The following ADCYAP1R1 variants were observed in gnomAD, a reference collection of about 807,000 sequenced individuals.
ADCYAP1R1 encodes the protein ADCYAP receptor type I.
ADCYAP1R1 carries 44 observed loss-of-function variants against 67.6 expected under a neutral mutation model. The ratio of observed to expected loss-of-function variants is 0.65; its 90% CI spans 0.51 to 0.84. The LOEUF (loss-of-function observed/expected upper bound fraction) is 0.84, where lower values mean the gene tolerates loss of function less well. Ranked by LOEUF, ADCYAP1R1 falls within the 40% of genes least tolerant of loss-of-function variation. ADCYAP1R1 has a pLI of 0.00. For synonymous variants in ADCYAP1R1, 222 were observed against 219.6 expected (o/e 1.01, Z -0.10); for missense variants, 477 against 587.9 (o/e 0.81, Z 1.95).
intron 6 of ADCYAP1R1, among the ~76,000 whole-genome samples, chr7:31,083,368 T>G (rs1437119957): frequency 2.6e-5 from 4 of 152,204 alleles, no homozygotes; most frequent in Non-Finnish European, 5.9e-5. Flanking sequence ...TGGACTTCAC[T>G]GTGCAGCCAG....
At position 31,087,017 on chromosome 7, in the gene ADCYAP1R1, C is replaced by T. The variant is rs368710072; in HGVS notation, c.884+14C>T. 118 of 1,614,036 alleles carry T rather than the reference C, an allele frequency of 7.3e-5. No individual in the cohort carries two copies. The highest frequency in any genetic ancestry group is 1.5e-4 in the African/African-American group (11 of 75,022). On this transcript the variant is annotated intron_variant, in intron 11 of 15. Transcript: ENST00000304166. Reference sequence around the variant, plus strand: ...TGATGACACAGGGTTAGTACATGCGCGAGAGTCAGGGCCACAGCACAGAGT... The same window carrying T: ...TGATGACACAGGGTTAGTACATGCGTGAGAGTCAGGGCCACAGCACAGAGT...
At chr7:31,087,104 C>A (rs1161378991) in intron 11 of ADCYAP1R1, 101 bp downstream of exon 11, 2 of 1,316,384 alleles carry the variant, frequency 1.5e-6, no homozygotes, top group Non-Finnish European at 1.1e-6. Flanking sequence ...CCGCAACAAA[C>A]CATTCAATGC....
intron 1 of ADCYAP1R1, among the ~76,000 whole-genome samples, chr7:31,056,212 A>AAAGGGCGG (rs1794234028): frequency 1.3e-5 from 2 of 152,122 alleles, no homozygotes; most frequent in African/African-American, 4.8e-5. Flanking sequence ...GCAAGGTCAT[A>AAAGGGCGG]AAGGGCGGGT....
In ADCYAP1R1 at chr7:31,109,192, T is replaced by C. The variant is rs1796761451; in HGVS notation, c.*2508T>C. 1 of 152,242 alleles carries C rather than the reference T, an allele frequency of 6.6e-6. No homozygotes were observed. Among genetic ancestry groups the C allele is most frequent in the Non-Finnish European group, 1.5e-5 (1 of 68,096 alleles). 9.4% of individuals were successfully genotyped at this position (152,242 alleles called of 1,614,324 possible). On this transcript the variant is annotated 3_prime_UTR_variant, in exon 16 of 16. Transcript: ENST00000304166. ...AGGTGCCGGGTTCCTATTGGTTAGT[T>C]GGTTGTTTTTCCGTCTGAGTGAATT...
In ADCYAP1R1 at chr7:31,065,155, T is replaced by G. The variant is rs141784830; in HGVS notation, c.157+219T>G. Reference sequence around the variant, plus strand: ...CTGGATGCCTCACAGCTGTTCTGGGTGACTGGACATGGCTGCCTTCTCTCC... The same window carrying G: ...CTGGATGCCTCACAGCTGTTCTGGGGGACTGGACATGGCTGCCTTCTCTCC... On this transcript the variant is annotated intron_variant, in intron 3 of 15. Transcript: ENST00000304166. Among the ~76,000 whole-genome samples, 166 of 152,258 alleles carry G rather than the reference T, an allele frequency of 1.1e-3. 3 individuals carry two copies. In the East Asian group the frequency reaches 0.03, roughly 27 times the overall value.
intron 4 of ADCYAP1R1, 120 bp from the exon 5 acceptor site, chr7:31,080,493 T>C: frequency 2.0e-6 from 2 of 985,834 alleles, no homozygotes. Flanking sequence ...CCCTCTTTAA[T>C]GTTTGGGGTT....
At position 31,085,293 on chromosome 7, in the gene ADCYAP1R1, C is replaced by A. The variant is rs370152344; in HGVS notation, c.537-17C>A. 9.0e-5 allele frequency: 145 copies of A among 1,610,402 alleles called. No individual in the cohort carries two copies. Among genetic ancestry groups the A allele is most frequent in the African/African-American group, 1.2e-4 (9 of 74,910 alleles). ...GTGGGGTCCAAGGCTTCTTTCTCCC[C>A]TGGCCCACTCATGTAGGAAGCTGCA... On this transcript the variant is annotated splice_polypyrimidine_tract_variant and intron_variant, in intron 8 of 15. Coordinates refer to ENST00000304166, the MANE Select transcript of ADCYAP1R1 (RefSeq NM_001118.5).
chr7:31,064,875 C>T lies in ADCYAP1R1; in HGVS notation c.96C>T (p.Ala32=). 6.2e-7 allele frequency: 1 copy of T among 1,613,002 alleles called. No individual in the cohort carries two copies. The highest frequency in any genetic ancestry group is 8.5e-7 in the Non-Finnish European group (1 of 1,179,566). The change falls in exon 3 of 16, where the codon GCC becomes GCT. Residue 32 remains alanine (A), a synonymous_variant. Transcript: ENST00000304166. ...HSDCIFKKEQ[A]MCLEKIQRAN... The stretch of plus-strand genomic sequence containing the variant: ...ACTGCATCTTCAAGAAGGAGCAAGC[C>T]ATGTGCCTGGAGAAGATCCAGAGGG...
In ADCYAP1R1 at chr7:31,078,032, G is replaced by T. The variant is rs140775607; in HGVS notation, c.199G>T (p.Ala67Ser). The T allele has an allele frequency of 2.5e-6, 4 of 1,613,118 alleles. No homozygotes were observed. Among genetic ancestry groups the T allele is most frequent in the Non-Finnish European group, 3.4e-6 (4 of 1,179,464 alleles). ...GGACAACATCACGTGTTGGAAGCCCGCCCATGTGGGTGAGATGGTCCTGGT... is the reference window on the plus strand; with the variant it reads ...GGACAACATCACGTGTTGGAAGCCCTCCCATGTGGGTGAGATGGTCCTGGT... ...MWDNITCWKP[A>S]HVGEMVLVSC... Residue 67 changes from alanine to serine, a missense_variant, in exon 4 of 16, where the codon GCC becomes TCC. Coordinates refer to ENST00000304166, the MANE Select transcript of ADCYAP1R1 (RefSeq NM_001118.5).
rs1288458315 is a variant in ADCYAP1R1 at position 31,109,606 on chromosome 7, A to G, written c.*2922A>G. ...TTCCTGGGAAGGGGTTTCTCGTTCT[A>G]TGCAATCCTAAAGGACGAAACTCAC... On this transcript the variant is annotated 3_prime_UTR_variant, in exon 16 of 16. Transcript: ENST00000304166. 2 of 152,130 alleles carry G rather than the reference A, an allele frequency of 1.3e-5. No homozygotes were observed. The highest frequency in any genetic ancestry group is 2.1e-4 in the South Asian group (1 of 4,818). The allele number at this position is 152,130 out of a possible 1,614,324, so 9.4% of individuals were successfully genotyped here.
chr7:31,077,735 G>A (rs2128625502), intron 3 of ADCYAP1R1, among the ~76,000 whole-genome samples: 1 of 149,932 alleles, frequency 6.7e-6, no homozygotes. Flanking sequence ...TGGTGTATGT[G>A]TGATGTATGT....
chr7:31,099,518 C>A (rs889397950), intron 13 of ADCYAP1R1, among the ~76,000 whole-genome samples: 2 of 152,194 alleles, frequency 1.3e-5, no homozygotes, highest in African/African-American at 4.8e-5. Flanking sequence ...TTCATTCAAT[C>A]TGACTTACCT....
chr7:31,082,109 A>G (rs577084279), intron 6 of ADCYAP1R1, among the ~76,000 whole-genome samples: 1 of 152,146 alleles, frequency 6.6e-6, no homozygotes, highest in Non-Finnish European at 1.5e-5. Context: ...CACTTGTTAA[A>G]CCCAGGTTCC....
At chr7:31,090,411 A>T (rs888495364) in intron 12 of ADCYAP1R1, among the ~76,000 whole-genome samples, 1 of 152,086 alleles carries the variant, frequency 6.6e-6, no homozygotes, top group Non-Finnish European at 1.5e-5. Context: ...TCCTTTTTTT[A>T]AAAATAATTT....
In ADCYAP1R1 at chr7:31,080,596, C is replaced by CT; in HGVS notation, c.266-14dup. On this transcript the variant is annotated splice_polypyrimidine_tract_variant and intron_variant, in intron 4 of 15. Transcript: ENST00000304166. ...TCACCTCTGACTTTTCTCTCTCTCT[C>CT]TTTCTCTCTGTTTCAGTCTGGGAGA... 1 of 1,612,826 alleles carries CT rather than the reference C, an allele frequency of 6.2e-7. No individual in the cohort carries two copies. Among genetic ancestry groups the CT allele is most frequent in the Non-Finnish European group, 8.5e-7 (1 of 1,179,904 alleles).
At chr7:31,094,662 G>A (rs1005456431) in intron 13 of ADCYAP1R1, among the ~76,000 whole-genome samples, 1 of 151,964 alleles carries the variant, frequency 6.6e-6, no homozygotes, top group African/African-American at 2.4e-5. Flanking sequence ...ATTCTGCTTT[G>A]GGCAGCAAGA....
At chr7:31,093,342 G>A (rs1372014502) in intron 13 of ADCYAP1R1, among the ~76,000 whole-genome samples, 1 of 151,858 alleles carries the variant, frequency 6.6e-6, no homozygotes, top group Non-Finnish European at 1.5e-5. Flanking sequence ...TTACAGGGCA[G>A]CCTCTTACCA....
At chr7:31,077,769 T>C (rs1795332289) in intron 3 of ADCYAP1R1, among the ~76,000 whole-genome samples, 1 of 149,618 alleles carries the variant, frequency 6.7e-6, no homozygotes, top group African/African-American at 2.5e-5. Context: ...CTGTGATGTA[T>C]GTGTAGTGTG....
At position 31,062,867 on chromosome 7, in the gene ADCYAP1R1, C is replaced by G. The variant is rs527916180; in HGVS notation, c.-71-327C>G. The stretch of plus-strand genomic sequence containing the variant: ...GCATGTGCCAGCTAAAACTTTGTCA[C>G]TGTGGAGGAGGGGGAAAATGCAAAG... On this transcript the variant is annotated intron_variant, in intron 1 of 15. Transcript: ENST00000304166. Among the ~76,000 whole-genome samples the G allele has an allele frequency of 5.3e-5, 8 of 152,326 alleles. No homozygotes were observed. The South Asian group carries it at 1.2e-3, about 24-fold the overall frequency.
Sources: allele counts gnomAD v4.1 joint callset (sites outside exome capture counted in the v4.1 genomes callset), GRCh38; gene constraint gnomAD v4.1.1; transcripts MANE v1.5; gene names NCBI Gene and HGNC (gene_info 2026-07-23, HGNC 2026-07-21).